SART3: variants seen among roughly 807,000 people sequenced by gnomAD.
SART3 encodes spliceosome associated factor 3, U4/U6 recycling protein.
In SART3, 44 loss-of-function variants were observed where a neutral mutation model predicts 122.3. That is an observed-to-expected ratio of 0.36 (90% CI 0.28 to 0.46). The LOEUF is 0.46. SART3 is among the 20% of genes least tolerant of loss of function. The pLI, the probability that SART3 is intolerant of heterozygous loss-of-function variation, is 1.00. For synonymous variants in SART3, 442 were observed against 454.0 expected, an observed-to-expected ratio of 0.97 and a Z score of 0.34; for missense variants, 1,101 against 1,229.0, an observed-to-expected ratio of 0.90 and a Z score of 1.56.
intron 2 of SART3, 33 bp downstream of exon 2, chr12:108,549,055 G>A (rs761031518): frequency 9.2e-5 from 149 of 1,613,680 alleles, no homozygotes; most frequent in Non-Finnish European, 5.5e-5. Flanking sequence ...CCTTGTTTCT[G>A]TTTCTAAAAG....
intron 11 of SART3, 109 bp downstream of exon 11, chr12:108,536,405 A>G: frequency 9.3e-7 from 1 of 1,077,332 alleles, no homozygotes; most frequent in Non-Finnish European, 1.4e-6. Context: ...ATAAATCCTT[A>G]TAGAGCTTAG....
At chr12:108,526,591 G>A (rs1487299466) in intron 15 of SART3, 38 bp from the exon 16 acceptor site, 2 of 1,602,156 alleles carry the variant, frequency 1.2e-6, no homozygotes. Context: ...ATGGTTAACT[G>A]TTACTTCTCT....
At chr12:108,524,829 A>C in intron 17 of SART3, 1 of 406,222 alleles carries the variant, frequency 2.5e-6, no homozygotes, top group Non-Finnish European at 4.6e-6. Context: ...ATAAACCAAG[A>C]GGTGGATGGG....
chr12:108,530,425 A>T, intron 14 of SART3, 115 bp from the exon 15 acceptor site: 1 of 1,246,900 alleles, frequency 8.0e-7, no homozygotes, highest in Non-Finnish European at 1.1e-6. Flanking sequence ...AGCAGAGATC[A>T]GGAGAAAAAC....
At chr12:108,557,323 C>T (rs1347841885) in intron 1 of SART3, among the ~76,000 whole-genome samples, 2 of 148,184 alleles carry the variant, frequency 1.3e-5, no homozygotes, top group African/African-American at 2.5e-5. Context: ...AGGCGATTCT[C>T]CTGCCTCAGC....
chr12:108,549,022 C>A, intron 2 of SART3, 66 bp downstream of exon 2: 1 of 1,611,444 alleles, frequency 6.2e-7, no homozygotes, highest in East Asian at 2.2e-5. Flanking sequence ...GTCCCACTTT[C>A]AACATTGTAA....
At chr12:108,533,025 A>C (rs754438509) in intron 12 of SART3, among the ~76,000 whole-genome samples, 2 of 152,230 alleles carry the variant, frequency 1.3e-5, no homozygotes, top group Non-Finnish European at 2.9e-5. Flanking sequence ...CAATTCTGCT[A>C]ATCATAACTG....
chr12:108,526,530 C>T lies in SART3; in HGVS notation c.1939G>A (p.Val647Ile). The change falls in exon 16 of 19, where the codon GTC (valine) becomes ATC (isoleucine). Residue 647 changes from valine (V) to isoleucine (I), a missense_variant. Val to Ile is a conservative substitution (Grantham distance 29). Transcript: ENST00000546815. ...EEEQPSKRRR[V>I]ENSIPAAGET... Reference sequence around the variant, plus strand: ...CCAGCTGCAGGGATGCTGTTCTCGACCCTTCTGCGTTTGGAAGGCTGCTCT... The same window carrying T: ...CCAGCTGCAGGGATGCTGTTCTCGATCCTTCTGCGTTTGGAAGGCTGCTCT... 2.5e-6 allele frequency: 4 copies of T among 1,614,022 alleles called. No homozygotes were observed. In the African/African-American group the frequency reaches 5.3e-5, roughly 22 times the overall value.
chr12:108,558,539 G>A (rs531416174), intron 1 of SART3, among the ~76,000 whole-genome samples: 6 of 152,252 alleles, frequency 3.9e-5, no homozygotes, highest in Admixed American at 3.9e-4. Flanking sequence ...TTAGCAAGCT[G>A]TGTACCCTCA....
At chr12:108,524,186 C>G (rs1872258975) in intron 18 of SART3, 130 bp downstream of exon 18, 5 of 854,680 alleles carry the variant, frequency 5.9e-6, no homozygotes, top group Non-Finnish European at 7.9e-6. Context: ...GTGATTACCA[C>G]AAGGAACAGC....
intron 16 of SART3, 151 bp from the exon 17 acceptor site, chr12:108,525,760 G>A (rs1175764508): frequency 1.0e-5 from 8 of 784,476 alleles, no homozygotes; most frequent in African/African-American, 1.7e-5. Flanking sequence ...GGGGCCACCG[G>A]AGCGAGTCAC....
At chr12:108,524,292 C>T in intron 18 of SART3, 24 bp downstream of exon 18, 1 of 1,604,354 alleles carries the variant, frequency 6.2e-7, no homozygotes, top group Non-Finnish European at 8.5e-7. Context: ...GAAGTTTGCA[C>T]TAGTCTACCA....
chr12:108,531,678 A>G (rs1872682995), intron 13 of SART3: 2 of 267,432 alleles, frequency 7.5e-6, no homozygotes, highest in South Asian at 8.8e-5. Flanking sequence ...ATCCAGACCA[A>G]TACCCACAGA....
chr12:108,532,558 T>A, intron 12 of SART3: 1 of 488,186 alleles, frequency 2.0e-6, no homozygotes, highest in Non-Finnish European at 3.8e-6. Context: ...ATGTAGGGGC[T>A]ACTGGAAAGT....
intron 4 of SART3, 72 bp downstream of exon 4, chr12:108,545,067 T>G (rs1320127744): frequency 2.1e-6 from 3 of 1,431,158 alleles, no homozygotes; most frequent in Non-Finnish European, 3.0e-6. Context: ...GGACATGTGT[T>G]TCAAAATAAT....
chr12:108,551,654 T>C (rs549850430), intron 1 of SART3, among the ~76,000 whole-genome samples: 4 of 152,178 alleles, frequency 2.6e-5, no homozygotes, highest in African/African-American at 7.2e-5. Context: ...ATACAGAATA[T>C]GTATTTTTCT....
In SART3 at chr12:108,539,054, T is replaced by C; in HGVS notation, c.942A>G (p.Gln314=). 2 of 1,614,230 alleles carry C rather than the reference T, an allele frequency of 1.2e-6. No individual in the cohort carries two copies. Among genetic ancestry groups the C allele is most frequent in the East Asian group, 2.2e-5 (1 of 44,888 alleles). The change falls in exon 7 of 19, where the codon CAA becomes CAG. Residue 314 remains glutamine (Q), a synonymous_variant. Transcript: ENST00000546815. ...QAEAPRLAEY[Q]AYIDFEMKIG... ...TTTTCATCTCAAAATCGATATATGC[T>C]TGATATTCTGCCAGCCTTGGTGCCT...
At chr12:108,539,113 G>A in intron 6 of SART3, 24 bp from the exon 7 acceptor site, 2 of 1,613,750 alleles carry the variant, frequency 1.2e-6, no homozygotes, top group Non-Finnish European at 1.7e-6. Context: ...AAATTGTATT[G>A]AATTTAGTTA....
At chr12:108,545,967 CA>C (rs367848748) in intron 3 of SART3, among the ~76,000 whole-genome samples, 3,247 of 108,924 alleles carry the variant, frequency 0.03, 119 homozygotes, top group African/African-American at 0.11. Context: ...GACTCTCTCT[CA>C]AAAAAAAAAA....
Sources: allele counts gnomAD v4.1 joint callset (sites outside exome capture counted in the v4.1 genomes callset), GRCh38; gene constraint gnomAD v4.1.1; transcripts MANE v1.5; gene names NCBI Gene and HGNC (gene_info 2026-07-23, HGNC 2026-07-21).